The following RNF220 variants were observed in gnomAD, a reference collection of about 807,000 sequenced individuals.
RNF220 encodes ring finger protein 220, also known as E3 ubiquitin-protein ligase RNF220.
RNF220 carries 7 observed loss-of-function variants against 67.1 expected under a neutral mutation model. That is an observed-to-expected ratio of 0.10 (90% CI 0.06 to 0.20). The LOEUF is 0.20. Ranked by LOEUF, RNF220 falls within the 10% of genes least tolerant of loss-of-function variation. The pLI is 1.00. For missense variants in RNF220, 565 were observed against 740.3 expected (o/e 0.76, Z 2.75); for synonymous variants, 270 against 283.2 (o/e 0.95, Z 0.47).
At chr1:44,638,526 A>G (rs888459693) in intron 8 of RNF220, 5 of 152,248 alleles carry the variant, frequency 3.3e-5, no homozygotes, top group African/African-American at 1.2e-4. Flanking sequence ...CCTGTATCCG[A>G]TCACCCCCAT....
chr1:44,507,945 G>A (rs1052926463), intron 2 of RNF220, among the ~76,000 whole-genome samples: 19 of 152,146 alleles, frequency 1.2e-4, no homozygotes, highest in Non-Finnish European at 5.9e-5. Flanking sequence ...TGCTTGGGGC[G>A]GGAGGCGATG....
At chr1:44,544,177 G>T (rs545288674) in intron 2 of RNF220, among the ~76,000 whole-genome samples, 7 of 152,320 alleles carry the variant, frequency 4.6e-5, no homozygotes, top group African/African-American at 1.4e-4. Flanking sequence ...GAACTGGAGC[G>T]GGGGTGGGAG....
chr1:44,618,033 C>T (rs558613875), intron 3 of RNF220, among the ~76,000 whole-genome samples: 1 of 152,348 alleles, frequency 6.6e-6, no homozygotes, highest in East Asian at 1.9e-4. Flanking sequence ...TCTGTGGATG[C>T]TGCCGCCAGG....
chr1:44,414,869 T>TA lies in RNF220; in HGVS notation c.625+2148dup, dbSNP rs369563362. ...TTTTCTTGTACACAAGCATAAAACCTATAGGAGTGTCTGTGAGGGGAGGGT... is the reference window on the plus strand; with the variant it reads ...TTTTCTTGTACACAAGCATAAAACCTAATAGGAGTGTCTGTGAGGGGAGGGT... On this transcript the variant is annotated intron_variant, in intron 2 of 14. Coordinates refer to ENST00000361799, the MANE Select transcript of RNF220 (RefSeq NM_018150.4). Among the ~76,000 whole-genome samples the TA allele has an allele frequency of 7.4e-3, 1,113 of 151,060 alleles. 12 individuals are homozygous for TA. Among genetic ancestry groups the TA allele is most frequent in the African/African-American group, 0.026 (1,074 of 41,030 alleles).
intron 2 of RNF220, among the ~76,000 whole-genome samples, chr1:44,607,007 C>T (rs139930395): frequency 3.3e-5 from 5 of 152,334 alleles, no homozygotes; most frequent in Admixed American, 2.6e-4. Context: ...TTCCATAAAT[C>T]AGTCAATGTT....
intron 2 of RNF220, among the ~76,000 whole-genome samples, chr1:44,592,499 C>T (rs1428805615): frequency 6.6e-6 from 1 of 152,214 alleles, no homozygotes; most frequent in Non-Finnish European, 1.5e-5. Flanking sequence ...AGGGCCAGGC[C>T]TTCCTGGGAG....
At chr1:44,471,475 G>A (rs1654801350) in intron 2 of RNF220, among the ~76,000 whole-genome samples, 1 of 151,956 alleles carries the variant, frequency 6.6e-6, no homozygotes, top group South Asian at 2.1e-4. Context: ...TAATCACAAT[G>A]TCATTCAACT....
intron 2 of RNF220, among the ~76,000 whole-genome samples, chr1:44,551,254 A>G (rs923170116): frequency 2.7e-5 from 4 of 149,942 alleles, no homozygotes; most frequent in Admixed American, 2.0e-4. Context: ...AGCTGGGATT[A>G]CAGGCACGGG....
At chr1:44,512,415 GT>G (rs1381144138) in intron 2 of RNF220, among the ~76,000 whole-genome samples, 8 of 152,160 alleles carry the variant, frequency 5.3e-5, no homozygotes, top group Non-Finnish European at 4.4e-5. Flanking sequence ...TGCTTTGGGG[GT>G]TGCATGCACA....
At chr1:44,547,940 A>T (rs549793011) in intron 2 of RNF220, among the ~76,000 whole-genome samples, 1 of 151,694 alleles carries the variant, frequency 6.6e-6, no homozygotes, top group African/African-American at 2.4e-5. Flanking sequence ...CTCAACCCAG[A>T]CTCTTAACAC....
intron 2 of RNF220, among the ~76,000 whole-genome samples, chr1:44,424,745 G>T (rs1649577845): frequency 6.6e-6 from 1 of 152,166 alleles, no homozygotes; most frequent in African/African-American, 2.4e-5. Flanking sequence ...TCTTATTGCT[G>T]ATCAAGTGAC....
chr1:44,414,525 A>G (rs1466560037), intron 2 of RNF220, among the ~76,000 whole-genome samples: 8 of 152,014 alleles, frequency 5.3e-5, no homozygotes, highest in Non-Finnish European at 1.2e-4. Flanking sequence ...TCAAGTCAGA[A>G]CTCATAGACG....
At chr1:44,447,930 C>T (rs760940892) in intron 2 of RNF220, among the ~76,000 whole-genome samples, 7 of 152,286 alleles carry the variant, frequency 4.6e-5, no homozygotes, top group African/African-American at 7.2e-5. Flanking sequence ...CAGCTTTGCG[C>T]GTCGCTTAGC....
chr1:44,434,195 G>C (rs1007571635), intron 2 of RNF220, among the ~76,000 whole-genome samples: 1 of 152,070 alleles, frequency 6.6e-6, no homozygotes, highest in African/African-American at 2.4e-5. Flanking sequence ...ACTATGTAAG[G>C]GTTTGGGAAT....
At position 44,624,273 on chromosome 1, in the gene RNF220, A is replaced by G. The variant is rs141519058; in HGVS notation, c.804+1486A>G. 3.9e-5 allele frequency among the ~76,000 whole-genome samples: 6 copies of G among 152,348 alleles called. No individual in the cohort carries two copies. Among genetic ancestry groups the G allele is most frequent in the Non-Finnish European group, 5.9e-5 (4 of 68,038 alleles). On this transcript the variant is annotated intron_variant, in intron 4 of 14. Transcript: ENST00000361799. The surrounding 1 kb of genome is among the most constrained non-coding windows in gnomAD (Gnocchi z 4.2). ...CAGGAAAGTCAGAGACAAGCTTCCA[A>G]GTCGGCCACCACAGGTGACAGCTGA... is the stretch of plus-strand genomic sequence containing the variant.
intron 2 of RNF220, among the ~76,000 whole-genome samples, chr1:44,469,377 A>G (rs1654586661): frequency 6.6e-6 from 1 of 152,294 alleles, no homozygotes; most frequent in East Asian, 1.9e-4. Flanking sequence ...AGATAAGGCC[A>G]GGCAAACCAG....
chr1:44,446,472 T>C (rs1652095264), intron 2 of RNF220, among the ~76,000 whole-genome samples: 1 of 152,210 alleles, frequency 6.6e-6, no homozygotes, highest in African/African-American at 2.4e-5. Flanking sequence ...TCTGAAGAGC[T>C]TGTCACTGTT....
chr1:44,619,377 G>A (rs1261397370), intron 3 of RNF220, among the ~76,000 whole-genome samples: 1 of 152,202 alleles, frequency 6.6e-6, no homozygotes, highest in Admixed American at 6.5e-5. Flanking sequence ...GGAGATGGCA[G>A]TGCCCCCACC....
At chr1:44,418,395 T>A (rs1325955478) in intron 2 of RNF220, among the ~76,000 whole-genome samples, 1 of 152,174 alleles carries the variant, frequency 6.6e-6, no homozygotes, top group East Asian at 1.9e-4. Flanking sequence ...GTTTTTCCCT[T>A]CCTGCTTTTC....
Sources: allele counts gnomAD v4.1 joint callset (sites outside exome capture counted in the v4.1 genomes callset), GRCh38; gene constraint gnomAD v4.1.1; non-coding constraint Gnocchi (gnomAD v3.1); transcripts MANE v1.5; gene names NCBI Gene and HGNC (gene_info 2026-07-23, HGNC 2026-07-21).